MACROD2: variants seen among roughly 807,000 people sequenced by gnomAD.
MACROD2 encodes ADP-ribose glycohydrolase MACROD2.
Under a neutral mutation model 70.4 loss-of-function variants are expected in MACROD2, and 36 were observed. The observed-to-expected ratio is 0.51, with a 90% CI of 0.39 to 0.68. MACROD2 has a LOEUF of 0.68. Ranked by LOEUF, MACROD2 falls within the 30% of genes least tolerant of loss-of-function variation. The probability of loss-of-function intolerance (pLI) is 0.00; values close to 1 mark genes in which losing one functional copy is unlikely to be tolerated. For missense variants in MACROD2, 496 were observed against 538.4 expected, an observed-to-expected ratio of 0.92 and a Z score of 0.78; for synonymous variants, 172 against 178.8, an observed-to-expected ratio of 0.96 and a Z score of 0.30.
intron 6 of MACROD2, among the ~76,000 whole-genome samples, chr20:15,342,375 C>T (rs771067230): frequency 2.0e-5 from 3 of 152,058 alleles, no homozygotes; most frequent in Non-Finnish European, 4.4e-5. Flanking sequence ...CCTGGAGTTA[C>T]GACTTGGCTT....
intron 3 of MACROD2, among the ~76,000 whole-genome samples, chr20:14,351,845 G>T (rs1214020356): frequency 6.6e-6 from 1 of 152,082 alleles, no homozygotes; most frequent in Non-Finnish European, 1.5e-5. Flanking sequence ...TCCTCACTCA[G>T]TATGATGCTA....
chr20:14,250,367 A>G (rs1044084906), intron 3 of MACROD2, among the ~76,000 whole-genome samples: 2 of 152,156 alleles, frequency 1.3e-5, no homozygotes, highest in African/African-American at 4.8e-5. Flanking sequence ...GTTCTTTGAA[A>G]AATAGAAATC....
chr20:14,387,804 T>G (rs1321051780), intron 3 of MACROD2, among the ~76,000 whole-genome samples: 2 of 152,220 alleles, frequency 1.3e-5, no homozygotes, highest in African/African-American at 4.8e-5. Context: ...TCTCCTCATG[T>G]TGCAAGTGTC....
intron 8 of MACROD2, among the ~76,000 whole-genome samples, chr20:15,547,013 C>G (rs2048034518): frequency 6.6e-6 from 1 of 152,174 alleles, no homozygotes; most frequent in Non-Finnish European, 1.5e-5. Flanking sequence ...ATTATCTCAC[C>G]TGTCAGCTCT....
chr20:14,245,020 C>T (rs1178419186), intron 3 of MACROD2, among the ~76,000 whole-genome samples: 1 of 152,048 alleles, frequency 6.6e-6, no homozygotes, highest in Admixed American at 6.6e-5. Context: ...TAAATTGTAC[C>T]TGCTTTTTGA....
chr20:14,491,905 A>G (rs1321341054), intron 3 of MACROD2, among the ~76,000 whole-genome samples: 1 of 152,206 alleles, frequency 6.6e-6, no homozygotes, highest in Admixed American at 6.5e-5. Flanking sequence ...AAATATGAAA[A>G]TAAAAAATCA....
At chr20:14,572,919 G>A (rs147398572) in intron 4 of MACROD2, among the ~76,000 whole-genome samples, 25 of 150,878 alleles carry the variant, frequency 1.7e-4, no homozygotes, top group Non-Finnish European at 2.8e-4. Flanking sequence ...AATATATAAA[G>A]ATATGAATTG....
chr20:14,047,974 A>T (rs1328625640), intron 2 of MACROD2, among the ~76,000 whole-genome samples: 1 of 151,748 alleles, frequency 6.6e-6, no homozygotes, highest in Non-Finnish European at 1.5e-5. Flanking sequence ...CAGCAGGCGT[A>T]CCCCTAACAA....
In MACROD2 at chr20:15,809,861, CT is replaced by C. The variant is rs56350068; in HGVS notation, c.646-52869del. On this transcript the variant is annotated intron_variant, in intron 8 of 17. Transcript: ENST00000684519. ...GAGTTGCCTTCTCTGGCCACCCTAT[CT>C]TTTTTTTTTTTTTTATTATACTTTA... is the stretch of plus-strand genomic sequence containing the variant. 7.8e-3 allele frequency among the ~76,000 whole-genome samples: 1,102 copies of C among 141,876 alleles called. 8 individuals carry two copies. Among genetic ancestry groups the C allele is most frequent in the African/African-American group, 0.016 (626 of 38,412 alleles). 93.1% of individuals were successfully genotyped at this position (141,876 alleles called of 152,430 possible).
chr20:15,460,578 G>C (rs1337402766), intron 7 of MACROD2, among the ~76,000 whole-genome samples: 1 of 152,056 alleles, frequency 6.6e-6, no homozygotes, highest in African/African-American at 2.4e-5. Context: ...TCTTCCCTTT[G>C]ATCCACCAGC....
chr20:15,052,516 T>C (rs1220985217), intron 5 of MACROD2, among the ~76,000 whole-genome samples: 2 of 152,200 alleles, frequency 1.3e-5, no homozygotes, highest in African/African-American at 4.8e-5. Flanking sequence ...TAGTCAGTGA[T>C]CTTTGACATT....
chr20:14,872,070 T>C lies in MACROD2; in HGVS notation c.418+187111T>C, dbSNP rs528919725. On this transcript the variant is annotated intron_variant, in intron 5 of 17. Transcript: ENST00000684519. The stretch of plus-strand genomic sequence containing the variant: ...TACTTAGAGTCCCACGCAGTAATAT[T>C]GTGAGACTTTAGCACTCCACTGACA... 8.0e-4 allele frequency among the ~76,000 whole-genome samples: 122 copies of C among 152,164 alleles called. 1 individual carries two copies. The highest frequency in any genetic ancestry group is 1.5e-3 in the Non-Finnish European group (104 of 68,008).
In MACROD2 at chr20:15,804,907, A is replaced by C. The variant is rs576464936; in HGVS notation, c.646-57838A>C. On this transcript the variant is annotated intron_variant, in intron 8 of 17. Transcript: ENST00000684519. ...CATGATCAATAGGGATGATTCCTGC[A>C]TGCCTCAGCTCCCCTGACCAGCAGT... Among the ~76,000 whole-genome samples the C allele has an allele frequency of 3.3e-5, 5 of 152,278 alleles. No individual in the cohort carries two copies. The South Asian group carries it at 1.0e-3, about 32-fold the overall frequency.
At chr20:14,971,898 G>A (rs1027007926) in intron 5 of MACROD2, among the ~76,000 whole-genome samples, 3 of 152,192 alleles carry the variant, frequency 2.0e-5, no homozygotes, top group Non-Finnish European at 2.9e-5. Context: ...CCTAGACCCA[G>A]GTAGCCTTTT....
chr20:14,464,155 A>G (rs1220281571), intron 3 of MACROD2, among the ~76,000 whole-genome samples: 4 of 151,934 alleles, frequency 2.6e-5, no homozygotes, highest in Non-Finnish European at 5.9e-5. Flanking sequence ...CTGTGAATCC[A>G]TCTGGTCCTG....
rs200684497 is a variant in MACROD2, at chr20:14,926,622, T to C, written c.418+241663T>C. On this transcript the variant is annotated intron_variant, in intron 5 of 17. Transcript: ENST00000684519. ...TATGAACAAGTCAAACTCAATATAG[T>C]CATGCCAGAGACATTAGCTGCATGT... Among the ~76,000 whole-genome samples, 20 of 151,888 alleles carry C rather than the reference T, an allele frequency of 1.3e-4. 1 individual carries two copies. The East Asian group carries it at 3.9e-3, about 30-fold the overall frequency.
intron 5 of MACROD2, among the ~76,000 whole-genome samples, chr20:15,211,162 T>C (rs2076760384): frequency 6.6e-6 from 1 of 152,230 alleles, no homozygotes. Flanking sequence ...GATTTGCCTA[T>C]TCTGGACATC....
At chr20:15,676,405 G>A (rs1358470779) in intron 8 of MACROD2, among the ~76,000 whole-genome samples, 5 of 152,102 alleles carry the variant, frequency 3.3e-5, no homozygotes, top group South Asian at 2.1e-4. Flanking sequence ...TAATATCATG[G>A]GCTAAAATTC....
chr20:15,000,199 C>T (rs747579967), intron 5 of MACROD2, among the ~76,000 whole-genome samples: 1 of 152,154 alleles, frequency 6.6e-6, no homozygotes, highest in Non-Finnish European at 1.5e-5. Flanking sequence ...TACTTTTCTA[C>T]ATTAAATTTT....
Sources: gnomAD v4.1 joint callset for allele counts (sites outside exome capture counted in the v4.1 genomes callset) on GRCh38, gnomAD v4.1.1 for gene constraint, MANE v1.5 for transcripts, NCBI Gene and HGNC (gene_info 2026-07-23, HGNC 2026-07-21) for gene names.